PIK3C2G: variants seen among roughly 807,000 people sequenced by gnomAD.
PIK3C2G encodes the protein phosphatidylinositol 3-kinase C2 domain-containing subunit gamma.
In PIK3C2G, 168 loss-of-function variants were observed where a neutral mutation model predicts 181.1. That is an observed-to-expected ratio of 0.93 (90% CI 0.82 to 1.05). The LOEUF (loss-of-function observed/expected upper bound fraction) is 1.05. Among genes scored for constraint, PIK3C2G ranks in the 50% least tolerant of loss-of-function variants. The probability of loss-of-function intolerance (pLI) is 0.00; values close to 1 mark genes in which losing one functional copy is unlikely to be tolerated. For synonymous variants in PIK3C2G, 573 were observed against 592.2 expected (o/e 0.97, Z 0.47); for missense variants, 1,869 against 1,732.8 (o/e 1.08, Z -1.40).
intron 18 of PIK3C2G, among the ~76,000 whole-genome samples, chr12:18,475,178 C>CT (rs1221258977): frequency 6.6e-6 from 1 of 151,806 alleles, no homozygotes; most frequent in African/African-American, 2.4e-5. Context: ...ATATTGCCAC[C>CT]TTTTTTGGTT....
chr12:18,585,144 A>G (rs1254728514), intron 29 of PIK3C2G, among the ~76,000 whole-genome samples: 1 of 152,194 alleles, frequency 6.6e-6, no homozygotes, highest in East Asian at 1.9e-4. Context: ...ACAAGCTGGC[A>G]TGATAACCAG....
chr12:18,716,162 G>A, the PIK3C2G span, among the ~76,000 whole-genome samples: 2 of 151,744 alleles, frequency 1.3e-5, no homozygotes, highest in African/African-American at 4.8e-5. Context: ...TGATTATGAC[G>A]GTAAATTGTC....
intron 1 of PIK3C2G, among the ~76,000 whole-genome samples, chr12:18,277,172 G>A (rs1949019855): frequency 6.6e-6 from 1 of 152,060 alleles, no homozygotes; most frequent in Non-Finnish European, 1.5e-5. Flanking sequence ...CTACCTATCT[G>A]TCTATCTAGT....
At chr12:18,245,455 A>T (rs568142449), upstream of PIK3C2G, among the ~76,000 whole-genome samples, 2 of 150,998 alleles carry the variant, frequency 1.3e-5, no homozygotes, top group Non-Finnish European at 3.0e-5. Flanking sequence ...TACTTCATTT[A>T]AAAAATCTGT....
intron 3 of PIK3C2G, among the ~76,000 whole-genome samples, chr12:18,290,215 G>A (rs1233998982): frequency 6.6e-6 from 1 of 152,080 alleles, no homozygotes; most frequent in Non-Finnish European, 1.5e-5. Context: ...CTAAATGAAA[G>A]TGCCAGGATT....
At chr12:18,513,753 C>A (rs1942358773) in intron 24 of PIK3C2G, among the ~76,000 whole-genome samples, 1 of 151,592 alleles carries the variant, frequency 6.6e-6, no homozygotes, top group South Asian at 2.1e-4. Context: ...AAAATGCAAA[C>A]CATCTAGTAA....
intron 31 of PIK3C2G, among the ~76,000 whole-genome samples, chr12:18,610,697 C>T (rs992185460): frequency 6.6e-6 from 1 of 151,894 alleles, no homozygotes; most frequent in African/African-American, 2.4e-5. Flanking sequence ...TAAAGAAACC[C>T]TTACATTGCA....
At chr12:18,563,958 T>C (rs1945482903) in intron 28 of PIK3C2G, among the ~76,000 whole-genome samples, 1 of 149,852 alleles carries the variant, frequency 6.7e-6, no homozygotes, top group Non-Finnish European at 1.5e-5. Flanking sequence ...TATAATTATA[T>C]ATGCTTATTA....
chr12:18,553,667 T>C (rs780509595), intron 26 of PIK3C2G, among the ~76,000 whole-genome samples: 1 of 152,046 alleles, frequency 6.6e-6, no homozygotes, highest in Non-Finnish European at 1.5e-5. Context: ...GAAAAGGGGA[T>C]GGGGAGAAGA....
At chr12:18,514,341 A>T (rs1942396824) in intron 24 of PIK3C2G, among the ~76,000 whole-genome samples, 1 of 151,928 alleles carries the variant, frequency 6.6e-6, no homozygotes, top group South Asian at 2.1e-4. Context: ...GGTCTAAAGT[A>T]TAATCTACGT....
intron 13 of PIK3C2G, among the ~76,000 whole-genome samples, chr12:18,374,593 T>C (rs1942305917): frequency 6.6e-6 from 1 of 152,132 alleles, no homozygotes; most frequent in African/African-American, 2.4e-5. Flanking sequence ...CCACCTCCCT[T>C]CCTGCTCTTA....
intron 8 of PIK3C2G, 102 bp downstream of exon 8, chr12:18,325,200 A>C (rs1365283057): frequency 8.4e-6 from 5 of 598,126 alleles, no homozygotes; most frequent in East Asian, 2.9e-5. Flanking sequence ...AAAAATGAAT[A>C]AAACAGAGGA....
the PIK3C2G span, among the ~76,000 whole-genome samples, chr12:18,664,384 A>C: frequency 6.6e-6 from 1 of 152,242 alleles, no homozygotes; most frequent in South Asian, 2.1e-4. Flanking sequence ...CCATTGATAC[A>C]TAAATGGATA....
intron 8 of PIK3C2G, among the ~76,000 whole-genome samples, chr12:18,335,458 AGTGT>A (rs142557829): frequency 6.6e-6 from 1 of 150,666 alleles, no homozygotes; most frequent in Non-Finnish European, 1.5e-5. Context: ...ACATGTGGGG[AGTGT>A]GTGTGTGTGT....
At chr12:18,640,348 T>C in intron 31 of PIK3C2G, 81 bp from the exon 32 acceptor site, 1 of 1,169,456 alleles carries the variant, frequency 8.6e-7, no homozygotes, top group Non-Finnish European at 1.2e-6. Context: ...ATCCTGCCTT[T>C]GGTCTGGATA....
chr12:18,274,303 G>A (rs1481559686), intron 1 of PIK3C2G, among the ~76,000 whole-genome samples: 1 of 152,128 alleles, frequency 6.6e-6, no homozygotes, highest in African/African-American at 2.4e-5. Flanking sequence ...CCATTACTGG[G>A]TATATACCCA....
chr12:18,625,767 A>T (rs1420940090), intron 31 of PIK3C2G, among the ~76,000 whole-genome samples: 3 of 151,820 alleles, frequency 2.0e-5, no homozygotes, highest in Non-Finnish European at 4.4e-5. Flanking sequence ...CTTTACCATT[A>T]TACAATGTCT....
chr12:18,269,231 A>G (rs1948641651), intron 1 of PIK3C2G, among the ~76,000 whole-genome samples: 1 of 152,092 alleles, frequency 6.6e-6, no homozygotes, highest in Admixed American at 6.6e-5. Flanking sequence ...TTTCTTAAGA[A>G]CCTATATCCT....
At chr12:18,433,418 C>T (rs1592247604) in intron 18 of PIK3C2G, among the ~76,000 whole-genome samples, 2 of 148,636 alleles carry the variant, frequency 1.3e-5, no homozygotes, top group South Asian at 2.1e-4. Flanking sequence ...GAGGCTGAGG[C>T]AGGAGGCTGA....
Sources: gnomAD v4.1 joint callset for allele counts (sites outside exome capture counted in the v4.1 genomes callset) on GRCh38, gnomAD v4.1.1 for gene constraint, MANE v1.5 for transcripts, NCBI Gene and HGNC (gene_info 2026-07-23, HGNC 2026-07-21) for gene names.